Variants in CBFB observed in about 807,000 individuals in gnomAD.
CBFB encodes the protein core-binding factor subunit beta.
In CBFB, 9 loss-of-function variants were observed where a neutral mutation model predicts 30.4. The ratio of observed to expected loss-of-function variants is 0.30; its 90% CI spans 0.18 to 0.52. The LOEUF (loss-of-function observed/expected upper bound fraction) is 0.52, where lower values mean the gene tolerates loss of function less well. Among genes scored for constraint, CBFB ranks in the 20% least tolerant of loss-of-function variants. The pLI is 0.97. For missense variants in CBFB, 170 were observed against 244.0 expected, an observed-to-expected ratio of 0.70 and a Z score of 2.02; for synonymous variants, 94 against 84.0, an observed-to-expected ratio of 1.12 and a Z score of -0.65.
At position 67,088,174 on chromosome 16, in the gene CBFB, A is replaced by G. The variant is rs140577043; in HGVS notation, c.495+5866A>G. On this transcript the variant is annotated intron_variant, in intron 5 of 5. Transcript: ENST00000412916. ...TCTGACTCCAGCACATGCACTGGCA[A>G]TCACATAGGGGAGTTTGGGGTTTGT... Among the ~76,000 whole-genome samples the G allele has an allele frequency of 5.7e-3, 868 of 152,280 alleles. 3 individuals carry two copies. Among genetic ancestry groups the G allele is most frequent in the African/African-American group, 0.02 (811 of 41,562 alleles).
At chr16:67,031,758 C>A (rs1487057739) in intron 2 of CBFB, among the ~76,000 whole-genome samples, 1 of 152,008 alleles carries the variant, frequency 6.6e-6, no homozygotes, top group Non-Finnish European at 1.5e-5. Flanking sequence ...AGTAATCCTC[C>A]CACCTCGGCC....
intron 5 of CBFB, among the ~76,000 whole-genome samples, chr16:67,091,753 T>G (rs771012482): frequency 1.3e-5 from 2 of 152,234 alleles, no homozygotes; most frequent in Non-Finnish European, 2.9e-5. Context: ...AATTTTACTT[T>G]AAGTTCTGTG....
chr16:67,074,064 A>C (rs1961316958), intron 4 of CBFB, among the ~76,000 whole-genome samples: 1 of 152,178 alleles, frequency 6.6e-6, no homozygotes, highest in African/African-American at 2.4e-5. Flanking sequence ...CCAAGCTGTT[A>C]TTTGCAGAAG....
chr16:67,050,701 G>A (rs1966725975), intron 3 of CBFB, among the ~76,000 whole-genome samples: 2 of 152,112 alleles, frequency 1.3e-5, no homozygotes, highest in African/African-American at 4.8e-5. Context: ...GCTGAGGTGG[G>A]AGAATTGCTT....
intron 2 of CBFB, among the ~76,000 whole-genome samples, chr16:67,036,067 A>G (rs1328574209): frequency 6.6e-6 from 1 of 152,184 alleles, no homozygotes; most frequent in East Asian, 1.9e-4. Context: ...GTCAAATGTG[A>G]GAAAAGACAT....
intron 3 of CBFB, among the ~76,000 whole-genome samples, chr16:67,060,495 G>T (rs950312102): frequency 7.9e-5 from 12 of 151,944 alleles, no homozygotes; most frequent in African/African-American, 2.9e-4. Context: ...TATCTCCTTC[G>T]TGTTGCTCTG....
chr16:67,029,831 G>T lies in CBFB; in HGVS notation c.165+18G>T. The T allele has an allele frequency of 6.4e-7, 1 of 1,565,606 alleles. No individual in the cohort carries two copies. ...CGGAAATCGTAAGTCGGCTGGCCCG[G>T]GGCGCGCGCGGGTCACTTGTTGCGC... On this transcript the variant is annotated intron_variant, in intron 2 of 5. Coordinates refer to ENST00000412916, the MANE Select transcript of CBFB (RefSeq NM_022845.3).
At chr16:67,036,883 C>A in intron 3 of CBFB, 128 bp downstream of exon 3, 1 of 647,760 alleles carries the variant, frequency 1.5e-6, no homozygotes. Flanking sequence ...GTTTTCATTC[C>A]ATGTTATAAG....
intron 4 of CBFB, among the ~76,000 whole-genome samples, chr16:67,078,881 A>G (rs1961478903): frequency 6.6e-6 from 1 of 151,770 alleles, no homozygotes; most frequent in African/African-American, 2.4e-5. Flanking sequence ...GGTCTCTTCA[A>G]CTCCCAAACT....
intron 5 of CBFB, among the ~76,000 whole-genome samples, chr16:67,091,861 GTTGTTTGT>G (rs369392093): frequency 2.6e-5 from 4 of 151,812 alleles, no homozygotes; most frequent in Admixed American, 6.6e-5. Context: ...TGTTGTTGTT[GTTGTTTGT>G]TTGTTTGTTT....
At chr16:67,051,056 A>G (rs1198779709) in intron 3 of CBFB, among the ~76,000 whole-genome samples, 1 of 152,180 alleles carries the variant, frequency 6.6e-6, no homozygotes, top group Non-Finnish European at 1.5e-5. Context: ...ACCGTGATTG[A>G]CTGTGAGTAA....
intron 3 of CBFB, among the ~76,000 whole-genome samples, chr16:67,063,548 T>G (rs1960969599): frequency 6.6e-6 from 1 of 152,096 alleles, no homozygotes; most frequent in Non-Finnish European, 1.5e-5. Context: ...TTCAAGCGAT[T>G]ATCCTGCATC....
chr16:67,062,530 C>A (rs958881548), intron 3 of CBFB, among the ~76,000 whole-genome samples: 6 of 151,222 alleles, frequency 4.0e-5, no homozygotes, highest in Non-Finnish European at 8.8e-5. Context: ...GGTGGCTCAT[C>A]CCTGTAACCC....
At chr16:67,040,614 A>G (rs962476774) in intron 3 of CBFB, among the ~76,000 whole-genome samples, 2 of 152,206 alleles carry the variant, frequency 1.3e-5, no homozygotes, top group Admixed American at 6.5e-5. Context: ...TTTGTTGAAC[A>G]CCTGTTACGT....
intron 4 of CBFB, among the ~76,000 whole-genome samples, chr16:67,071,757 G>A (rs1475385673): frequency 3.3e-5 from 5 of 152,200 alleles, no homozygotes; most frequent in Non-Finnish European, 7.3e-5. Context: ...GCCTAGCACA[G>A]TATCTAGCGT....
intron 3 of CBFB, among the ~76,000 whole-genome samples, chr16:67,046,091 G>A (rs1342031603): frequency 1.3e-5 from 2 of 150,552 alleles, no homozygotes; most frequent in Admixed American, 6.6e-5. Flanking sequence ...GAGCCACTGT[G>A]CCTGGCCTTT....
At chr16:67,036,019 C>T (rs1299598566) in intron 2 of CBFB, among the ~76,000 whole-genome samples, 1 of 152,050 alleles carries the variant, frequency 6.6e-6, no homozygotes, top group Non-Finnish European at 1.5e-5. Context: ...TAGATGAATA[C>T]TTTTCTCTTT....
intron 4 of CBFB, among the ~76,000 whole-genome samples, chr16:67,074,009 A>C (rs961316263): frequency 6.6e-6 from 1 of 152,122 alleles, no homozygotes; most frequent in African/African-American, 2.4e-5. Context: ...AAGCCTGGGC[A>C]ACAGAGCAAG....
chr16:67,087,401 T>G (rs923631226), intron 5 of CBFB, among the ~76,000 whole-genome samples: 7 of 150,992 alleles, frequency 4.6e-5, no homozygotes, highest in African/African-American at 1.7e-4. Context: ...ACAAAAAATT[T>G]AAAAACTAGC....
Sources: gnomAD v4.1 joint callset for allele counts (sites outside exome capture counted in the v4.1 genomes callset) on GRCh38, gnomAD v4.1.1 for gene constraint, MANE v1.5 for transcripts, NCBI Gene and HGNC (gene_info 2026-07-23, HGNC 2026-07-21) for gene names.